Variants in TMEM26 observed in about 807,000 individuals in gnomAD.
TMEM26 encodes transmembrane protein 26.
In TMEM26, 38 loss-of-function variants were observed where a neutral mutation model predicts 28.8. The observed-to-expected ratio is 1.32, with a 90% CI of 1.02 to 1.73. The LOEUF is 1.73. Among genes scored for constraint, TMEM26 ranks in the 40% most tolerant of loss-of-function variants. The pLI is 0.00. For synonymous variants in TMEM26, 227 were observed against 182.9 expected, an observed-to-expected ratio of 1.24 and a Z score of -1.95; for missense variants, 518 against 447.1, an observed-to-expected ratio of 1.16 and a Z score of -1.43.
intron 4 of TMEM26, chr10:61,413,740 G>A: frequency 1.6e-6 from 2 of 1,257,928 alleles, no homozygotes; most frequent in Non-Finnish European, 2.0e-6. Context: ...GAGACTTAAA[G>A]CCCAACATAT....
At position 61,431,236 on chromosome 10, in the gene TMEM26, C is replaced by G. The variant is rs533543204; in HGVS notation, c.367G>C (p.Asp123His). Reference protein sequence around the residue: ...LTSNEQTSRADDLIETAKVFV... With the variant: ...LTSNEQTSRAHDLIETAKVFV... Reference sequence around the variant, plus strand: ...GCTCTCACCGTCTCAATGAGATCATCAGCTCTACTGGTTTGTTCATTGGAT... The same window carrying G: ...GCTCTCACCGTCTCAATGAGATCATGAGCTCTACTGGTTTGTTCATTGGAT... The change falls in exon 3 of 6, where the codon GAT (aspartate) becomes CAT (histidine). Residue 123 changes from aspartate to histidine, a missense_variant. Coordinates refer to ENST00000399298, the MANE Select transcript of TMEM26 (RefSeq NM_178505.8). 26 of 1,612,798 alleles carry G rather than the reference C, an allele frequency of 1.6e-5. No individual in the cohort carries two copies. In the South Asian group the frequency reaches 2.7e-4, roughly 17 times the overall value.
intron 1 of TMEM26, among the ~76,000 whole-genome samples, chr10:61,448,509 G>A (rs1473723346): frequency 1.3e-5 from 2 of 152,158 alleles, no homozygotes; most frequent in Non-Finnish European, 2.9e-5. Context: ...GAAGATTCTG[G>A]AAGATAGGAA....
At chr10:61,443,121 A>G (rs1840121718) in intron 1 of TMEM26, among the ~76,000 whole-genome samples, 1 of 152,032 alleles carries the variant, frequency 6.6e-6, no homozygotes, top group Admixed American at 6.6e-5. Context: ...ATTCCCCCCA[A>G]AATGGAAAAT....
intron 1 of TMEM26, among the ~76,000 whole-genome samples, chr10:61,451,315 C>T (rs1030651468): frequency 7.2e-5 from 11 of 152,136 alleles, no homozygotes; most frequent in Non-Finnish European, 2.9e-5. Flanking sequence ...GAGTTAAGGC[C>T]TCTGGTCTAC....
intron 4 of TMEM26, among the ~76,000 whole-genome samples, chr10:61,422,406 C>T (rs1046487514): frequency 4.6e-5 from 7 of 151,970 alleles, no homozygotes; most frequent in Admixed American, 1.3e-4. Flanking sequence ...TAATAGACCA[C>T]AAAGTAAGTC....
chr10:61,441,427 G>A (rs1840091232), intron 1 of TMEM26, among the ~76,000 whole-genome samples: 1 of 152,116 alleles, frequency 6.6e-6, no homozygotes, highest in South Asian at 2.1e-4. Context: ...TATTTTGAGG[G>A]TTTGCAGTAT....
At chr10:61,446,015 AT>A (rs1362734172) in intron 1 of TMEM26, among the ~76,000 whole-genome samples, 1 of 151,274 alleles carries the variant, frequency 6.6e-6, no homozygotes, top group East Asian at 1.9e-4. Flanking sequence ...GTGAAAAAAA[AT>A]ATATCAGTAA....
intron 2 of TMEM26, 70 bp from the exon 3 acceptor site, chr10:61,431,402 T>A: frequency 9.2e-7 from 1 of 1,091,356 alleles, no homozygotes; most frequent in Non-Finnish European, 1.4e-6. Context: ...CAAAATGACT[T>A]AAATCTGTTC....
intron 4 of TMEM26, among the ~76,000 whole-genome samples, chr10:61,420,073 A>G (rs1370768458): frequency 6.6e-6 from 1 of 152,198 alleles, no homozygotes; most frequent in Non-Finnish European, 1.5e-5. Context: ...AACTACTAAT[A>G]GTGTACTGCT....
chr10:61,432,778 C>T (rs1046392613), intron 2 of TMEM26, among the ~76,000 whole-genome samples: 9 of 152,120 alleles, frequency 5.9e-5, no homozygotes, highest in African/African-American at 2.2e-4. Context: ...TTTTTCTACT[C>T]TCTTTCCAAA....
chr10:61,429,825 C>G (rs956739133), intron 3 of TMEM26, among the ~76,000 whole-genome samples: 25 of 152,220 alleles, frequency 1.6e-4, no homozygotes, highest in African/African-American at 6.0e-4. Context: ...TGGATGACAA[C>G]TTGCCCAATT....
chr10:61,424,322 G>C (rs1426178824), intron 4 of TMEM26, among the ~76,000 whole-genome samples: 1 of 151,952 alleles, frequency 6.6e-6, no homozygotes, highest in Non-Finnish European at 1.5e-5. Flanking sequence ...GCATCAAAAA[G>C]AATAAAATAC....
rs1840315205 is a variant in TMEM26, at chr10:61,452,925, T to C, written c.157A>G (p.Thr53Ala). 1.2e-6 allele frequency: 2 copies of C among 1,613,850 alleles called. No homozygotes were observed. Among genetic ancestry groups the C allele is most frequent in the Non-Finnish European group, 1.7e-6 (2 of 1,179,896 alleles). Reference sequence around the variant, plus strand: ...CCTCTGCCGCGCTTGAACTTGAGGGTGAGCGCAGTCTCCAGGAAGAGCAAG... The same window carrying C: ...CCTCTGCCGCGCTTGAACTTGAGGGCGAGCGCAGTCTCCAGGAAGAGCAAG... ...NLLLFLETAL[T>A]LKFKRGRGYK... is the part of the protein sequence containing the mutation. The change falls in exon 1 of 6, where the codon ACC becomes GCC. Residue 53 changes from threonine (T) to alanine (A), a missense_variant. Physicochemically the swap from Thr to Ala is moderately conservative, Grantham distance 58. Transcript: ENST00000399298.
At position 61,410,292 on chromosome 10, in the gene TMEM26, T is replaced by C. The variant is rs762389050; in HGVS notation, c.*30A>G. 3.8e-6 allele frequency: 6 copies of C among 1,572,244 alleles called. No homozygotes were observed. The highest frequency in any genetic ancestry group is 5.2e-6 in the Non-Finnish European group (6 of 1,157,478). ...CTGTAAGAAGAACCAGGGAGTCAGG[T>C]TCTAGCCGCAGACCACTGTCAATCA... On this transcript the variant is annotated 3_prime_UTR_variant, in exon 6 of 6. Transcript: ENST00000399298.
intron 4 of TMEM26, among the ~76,000 whole-genome samples, chr10:61,420,044 T>C (rs183897463): frequency 1.4e-4 from 22 of 152,252 alleles, no homozygotes; most frequent in African/African-American, 4.6e-4. Flanking sequence ...TGTGTATAAT[T>C]TTGACTTTTC....
intron 1 of TMEM26, among the ~76,000 whole-genome samples, chr10:61,442,471 C>G (rs1366923722): frequency 1.3e-5 from 2 of 152,062 alleles, no homozygotes; most frequent in Non-Finnish European, 2.9e-5. Context: ...ATGTATATAT[C>G]TGAAAATGGA....
intron 4 of TMEM26, among the ~76,000 whole-genome samples, chr10:61,419,549 A>G (rs1052349649): frequency 3.3e-5 from 5 of 152,094 alleles, no homozygotes; most frequent in Non-Finnish European, 7.4e-5. Context: ...CAATAGATGA[A>G]CTCTACAATT....
chr10:61,428,936 G>C lies in TMEM26; in HGVS notation c.595C>G (p.Gln199Glu), dbSNP rs1463581928. 3 of 1,612,890 alleles carry C rather than the reference G, an allele frequency of 1.9e-6. No individual in the cohort carries two copies. The highest frequency in any genetic ancestry group is 2.5e-6 in the Non-Finnish European group (3 of 1,179,226). ...LEFTSETLEEQNVRNSPALVY... is the reference protein window; with the variant it reads ...LEFTSETLEEENVRNSPALVY... ...GCAAGGAATGCTCACCTCACATTTTGTTCTTCTAGGGTCTCACTTGTGAAT... is the reference window on the plus strand; with the variant it reads ...GCAAGGAATGCTCACCTCACATTTTCTTCTTCTAGGGTCTCACTTGTGAAT... The change falls in exon 4 of 6, where the codon CAA (glutamine) becomes GAA (glutamate). Residue 199 changes from glutamine to glutamate, a missense_variant. Physicochemically the swap from Gln to Glu is conservative, Grantham distance 29. Transcript: ENST00000399298.
At chr10:61,423,515 C>T (rs1045560909) in intron 4 of TMEM26, among the ~76,000 whole-genome samples, 10 of 152,150 alleles carry the variant, frequency 6.6e-5, no homozygotes, top group South Asian at 6.2e-4. Flanking sequence ...AGGCTTAGGC[C>T]GGGGGACTGA....
Sources: gnomAD v4.1 joint callset for allele counts (sites outside exome capture counted in the v4.1 genomes callset) on GRCh38, gnomAD v4.1.1 for gene constraint, MANE v1.5 for transcripts, NCBI Gene and HGNC (gene_info 2026-07-23, HGNC 2026-07-21) for gene names.